ANK1: variants seen among roughly 807,000 people sequenced by gnomAD.
ANK1 encodes the protein ankyrin-1.
Under a neutral mutation model 210.4 loss-of-function variants are expected in ANK1, and 51 were observed. The observed-to-expected ratio is 0.24, with a 90% CI of 0.19 to 0.31. ANK1 has a LOEUF of 0.31. ANK1 is among the 10% of genes least tolerant of loss of function. ANK1 has a pLI of 1.00. For missense variants in ANK1, 2,051 were observed against 2,504.4 expected (o/e 0.82, Z 3.86); for synonymous variants, 967 against 1,025.9 (o/e 0.94, Z 1.10).
At chr8:41,697,429 C>T (rs915423335) in intron 24 of ANK1, among the ~76,000 whole-genome samples, 3 of 152,084 alleles carry the variant, frequency 2.0e-5, no homozygotes, top group Admixed American at 6.5e-5. Context: ...CCTTGTCCAT[C>T]GCCCTTGTTG....
chr8:41,715,107 C>T, intron 14 of ANK1, 33 bp from the exon 15 acceptor site: 1 of 1,601,344 alleles, frequency 6.2e-7, no homozygotes, highest in Non-Finnish European at 8.6e-7. Flanking sequence ...GACCTTGGGG[C>T]CCCAGGGCTG....
rs1319479138 is a variant in ANK1 at position 41,672,611 on chromosome 8, G to A, written c.4839C>T (p.Pro1613=). 6 of 1,614,056 alleles carry A rather than the reference G, an allele frequency of 3.7e-6. No individual in the cohort carries two copies. The African/African-American group carries it at 4.0e-5, about 11-fold the overall frequency. ...EGALSEEPRG[P]ELGSLELVED... Reference sequence around the variant, plus strand: ...CCACAAGTTCCAGAGAGCCCAACTCGGGGCCCCGCGGTTCCTCTGAGAGTG... The same window carrying A: ...CCACAAGTTCCAGAGAGCCCAACTCAGGGCCCCGCGGTTCCTCTGAGAGTG... The change falls in exon 38 of 43, where the codon CCC becomes CCT. Residue 1613 remains proline (P), a synonymous_variant. Transcript: ENST00000289734.
chr8:41,888,029 G>C (rs1010924088), intron 1 of ANK1, among the ~76,000 whole-genome samples: 3 of 152,236 alleles, frequency 2.0e-5, no homozygotes, highest in Non-Finnish European at 2.9e-5. Context: ...CCAATGCTTA[G>C]AAGCTTTGTG....
At position 41,688,607 on chromosome 8, in the gene ANK1, G is replaced by C; in HGVS notation, c.4105-18C>G. ...CCACTTCCCTGCAGAAGAAGAAAGG[G>C]TGCTTTGGGTTTTGGACTCTCCCCA... On this transcript the variant is annotated intron_variant, in intron 33 of 42. Transcript: ENST00000289734. 1.9e-6 allele frequency: 3 copies of C among 1,612,786 alleles called. No homozygotes were observed. The highest frequency in any genetic ancestry group is 1.1e-5 in the South Asian group (1 of 91,004).
In ANK1 at chr8:41,761,205, T is replaced by TCA. The variant is rs72324640; in HGVS notation, c.28-3070_28-3069dup. ...CAGATGCATGCGCACACACACAGAT[T>TCA]CACACACACACACACAGATGTGTGC... On this transcript the variant is annotated intron_variant, in intron 1 of 42. Transcript: ENST00000289734. Among the ~76,000 whole-genome samples, 38 of 149,526 alleles carry TCA rather than the reference T, an allele frequency of 2.5e-4. 1 individual carries two copies. Among genetic ancestry groups the TCA allele is most frequent in the Admixed American group, 1.7e-3 (25 of 15,068 alleles).
intron 1 of ANK1, among the ~76,000 whole-genome samples, chr8:41,856,105 C>G (rs892092102): frequency 3.3e-5 from 5 of 152,134 alleles, no homozygotes; most frequent in African/African-American, 1.2e-4. Flanking sequence ...AGTGGAAGCC[C>G]CCAACCTTGC....
chr8:41,755,959 CT>C (rs1197376655), intron 2 of ANK1, among the ~76,000 whole-genome samples: 1 of 152,116 alleles, frequency 6.6e-6, no homozygotes, highest in Non-Finnish European at 1.5e-5. Context: ...CTGAAGTGCA[CT>C]GCCAGGGTCT....
chr8:41,706,462 A>G (rs995973310), intron 17 of ANK1, among the ~76,000 whole-genome samples: 67 of 152,238 alleles, frequency 4.4e-4, no homozygotes, highest in Admixed American at 4.4e-3. Flanking sequence ...TAAGGGCCAG[A>G]TCATCAATAT....
chr8:41,738,097 CT>C (rs1412424179), intron 2 of ANK1, among the ~76,000 whole-genome samples: 4 of 152,204 alleles, frequency 2.6e-5, no homozygotes, highest in African/African-American at 9.7e-5. Flanking sequence ...AAGAGTTGTT[CT>C]GTCAAGAAGA....
At chr8:41,663,776 G>C in intron 39 of ANK1, 34 bp from the exon 40 acceptor site, 1 of 1,546,618 alleles carries the variant, frequency 6.5e-7, no homozygotes, top group South Asian at 1.1e-5. Flanking sequence ...ATGCAAGATT[G>C]GTGAGTGGGA....
At chr8:41,811,249 G>A (rs1802439741) in intron 1 of ANK1, among the ~76,000 whole-genome samples, 1 of 152,048 alleles carries the variant, frequency 6.6e-6, no homozygotes, top group African/African-American at 2.4e-5. Context: ...AGGGAGCGGG[G>A]GTTTCAGTTT....
chr8:41,751,221 C>T (rs1203700313), intron 2 of ANK1, among the ~76,000 whole-genome samples: 1 of 152,156 alleles, frequency 6.6e-6, no homozygotes, highest in Non-Finnish European at 1.5e-5. Context: ...GCATGTGAAG[C>T]TAATATGGGT....
chr8:41,874,511 G>T (rs1040555296), intron 1 of ANK1, among the ~76,000 whole-genome samples: 7 of 152,204 alleles, frequency 4.6e-5, no homozygotes, highest in Non-Finnish European at 8.8e-5. Flanking sequence ...CGCCCCGCAG[G>T]CCCTGCAATG....
chr8:41,690,637 G>A (rs1563435535), intron 31 of ANK1, 38 bp from the exon 32 acceptor site: 1 of 1,604,370 alleles, frequency 6.2e-7, no homozygotes, highest in Middle Eastern at 1.7e-4. Context: ...TTGTCAGGGA[G>A]AGAAGGGCCC....
At position 41,701,542 on chromosome 8, in the gene ANK1, A is replaced by C. The variant is rs562188153; in HGVS notation, c.2461+8T>G. 7 of 1,614,056 alleles carry C rather than the reference A, an allele frequency of 4.3e-6. No individual in the cohort carries two copies. In the South Asian group the frequency reaches 6.6e-5, roughly 15 times the overall value. ...CCCACCAGCCTGAGCTCTTTACCCC[A>C]ACGTTACCTTCATCTTCCGAGACAT... is the stretch of plus-strand genomic sequence containing the variant. On this transcript the variant is annotated splice_region_variant and intron_variant, in intron 22 of 42. Coordinates refer to ENST00000289734, the MANE Select transcript of ANK1 (RefSeq NM_000037.4).
At position 41,717,691 on chromosome 8, in the gene ANK1, T is replaced by C; in HGVS notation, c.1218A>G (p.Thr406=). The change falls in exon 12 of 43, where the codon ACA becomes ACG. Residue 406 remains threonine (T), a synonymous_variant. Coordinates refer to ENST00000289734, the MANE Select transcript of ANK1 (RefSeq NM_000037.4). The stretch of plus-strand genomic sequence containing the variant: ...CCATGAAGGAGGCCACGTGGAGAGG[T>C]GTCAGGCCAGACTGAAACAGACAAA... The part of the protein sequence containing the change: ...SIDAVTESGL[T]PLHVASFMGH... 6.4e-7 allele frequency: 1 copy of C among 1,551,552 alleles called. No individual in the cohort carries two copies. Among genetic ancestry groups the C allele is most frequent in the African/African-American group, 1.4e-5 (1 of 73,158 alleles).
intron 1 of ANK1, among the ~76,000 whole-genome samples, chr8:41,864,349 G>A (rs1813905301): frequency 1.3e-5 from 2 of 151,912 alleles, no homozygotes; most frequent in African/African-American, 4.8e-5. Context: ...CTATAAGAAT[G>A]TTTCTTTATT....
Position 41,838,629 on chromosome 8 carries a change from G to A in ANK1, c.126+57726C>T, listed in dbSNP as rs536643944. ...AAAAATACAAAAATTAGCCAGGTGCGGTGGTGCGTGCCTGTAATCCCAGCT... is the reference window on the plus strand; with the variant it reads ...AAAAATACAAAAATTAGCCAGGTGCAGTGGTGCGTGCCTGTAATCCCAGCT... On this transcript the variant is annotated intron_variant, in intron 1 of 42. Coordinates refer to the ANK1 transcript ENST00000265709. 5.9e-4 allele frequency among the ~76,000 whole-genome samples: 89 copies of A among 151,642 alleles called. 1 individual carries two copies. Among genetic ancestry groups the A allele is most frequent in the African/African-American group, 1.9e-3 (78 of 41,248 alleles).
chr8:41,698,051 G>C lies in ANK1; in HGVS notation c.2629C>G (p.Gln877Glu). Residue 877 changes from glutamine (Q) to glutamate (E), a missense_variant, in exon 24 of 43, where the codon CAG becomes GAG. Gln to Glu is a conservative substitution (Grantham distance 29). Transcript: ENST00000289734. The stretch of plus-strand genomic sequence containing the variant: ...GAGAAGGAGCTTCTCACCTGCTCCT[G>C]CTCTTCTGACCTGATCACCACTGTC... ...PETVVIRSEE[Q>E]EQASKEYDED... The C allele has an allele frequency of 6.2e-7, 1 of 1,614,022 alleles. No individual in the cohort carries two copies. Among genetic ancestry groups the C allele is most frequent in the Non-Finnish European group, 8.5e-7 (1 of 1,179,990 alleles).
Sources: gnomAD v4.1 joint callset for allele counts (sites outside exome capture counted in the v4.1 genomes callset) on GRCh38, gnomAD v4.1.1 for gene constraint, MANE v1.5 for transcripts, NCBI Gene and HGNC (gene_info 2026-07-23, HGNC 2026-07-21) for gene names.